The following MKKS variants were observed in gnomAD, a reference collection of about 807,000 sequenced individuals.
The protein encoded by MKKS is MKKS centrosomal shuttling protein.
Under a neutral mutation model 33.2 loss-of-function variants are expected in MKKS, and 29 were observed. The ratio of observed to expected loss-of-function variants is 0.87; its 90% CI spans 0.65 to 1.19. MKKS has a LOEUF of 1.19. Among genes scored for constraint, MKKS ranks in the 50% most tolerant of loss-of-function variants. The probability of loss-of-function intolerance (pLI) is 0.00; values close to 1 mark genes in which losing one functional copy is unlikely to be tolerated. For missense variants in MKKS, 661 were observed against 662.3 expected (o/e 1.00, Z 0.02); for synonymous variants, 260 against 244.0 (o/e 1.07, Z -0.61).
Position 10,403,736 on chromosome 20 carries a change from C to A in MKKS, c.*1511G>T, listed in dbSNP as rs1308190528. 6.6e-6 allele frequency: 1 copy of A among 152,186 alleles called. No individual in the cohort carries two copies. The highest frequency in any genetic ancestry group is 2.4e-5 in the African/African-American group (1 of 41,424). The allele number at this position is 152,186 out of a possible 1,614,324, so 9.4% of individuals were successfully genotyped here. On this transcript the variant is annotated 3_prime_UTR_variant, in exon 6 of 6. Coordinates refer to ENST00000347364, the MANE Select transcript of MKKS (RefSeq NM_170784.3). ...CCATGCTCAAGGGGAGGAAATTATG[C>A]AAGGTCTGAAACTAGGAGGTGGGGC... is the stretch of plus-strand genomic sequence containing the variant.
Position 10,405,401 on chromosome 20 carries a change from A to G in MKKS, c.1559T>C (p.Phe520Ser). 1.2e-6 allele frequency: 2 copies of G among 1,614,188 alleles called. No homozygotes were observed. Among genetic ancestry groups the G allele is most frequent in the Non-Finnish European group, 8.5e-7 (1 of 1,180,032 alleles). Reference protein sequence around the residue: ...WSFLRSTRRPFVPQSCLPHEA... With the variant: ...WSFLRSTRRPSVPQSCLPHEA... ...ATGTGGAAGGCAGCTTTGTGGCACAAATGGACGACGTGTGCTTCTTAAGAA... is the reference window on the plus strand; with the variant it reads ...ATGTGGAAGGCAGCTTTGTGGCACAGATGGACGACGTGTGCTTCTTAAGAA... The change falls in exon 6 of 6, where the codon TTT becomes TCT. Residue 520 changes from phenylalanine to serine, a missense_variant. Phe to Ser is a radical substitution (Grantham distance 155). Transcript: ENST00000347364.
chr20:10,413,156 T>C lies in MKKS; in HGVS notation c.359A>G (p.Asn120Ser). ...GATGCAAAGACTCAAAAGATGTTTATTTAATCTAATGACAGTGGTGGGTGT... is the reference window on the plus strand; with the variant it reads ...GATGCAAAGACTCAAAAGATGTTTACTTAATCTAATGACAGTGGTGGGTGT... ...GLTPTTVIRLNKHLLSLCISY... is the reference protein window; with the variant it reads ...GLTPTTVIRLSKHLLSLCISY... Residue 120 changes from asparagine (N) to serine (S), a missense_variant, in exon 3 of 6, where the codon AAT becomes AGT. Physicochemically the swap from Asn to Ser is conservative, Grantham distance 46. Transcript: ENST00000347364. The C allele has an allele frequency of 6.2e-7, 1 of 1,614,150 alleles. No individual in the cohort carries two copies. The highest frequency in any genetic ancestry group is 1.3e-5 in the African/African-American group (1 of 75,036).
intron 5 of MKKS, among the ~76,000 whole-genome samples, chr20:10,406,018 C>T (rs1487257191): frequency 1.3e-5 from 2 of 152,220 alleles, no homozygotes; most frequent in East Asian, 3.9e-4. Flanking sequence ...AGGCATAATA[C>T]ATGTATTACA....
Position 10,420,597 on chromosome 20 carries a change from T to C in MKKS, c.-487A>G, listed in dbSNP as rs1055777916. 8 of 152,208 alleles carry C rather than the reference T, an allele frequency of 5.3e-5. No individual in the cohort carries two copies. Among genetic ancestry groups the C allele is most frequent in the African/African-American group, 1.9e-4 (8 of 41,448 alleles). The allele number at this position is 152,208 out of a possible 1,614,324, so 9.4% of individuals were successfully genotyped here. On this transcript the variant is annotated 5_prime_UTR_variant, in exon 2 of 6. Coordinates refer to ENST00000347364, the MANE Select transcript of MKKS (RefSeq NM_170784.3). ...GAAGATTTGAAAGTCCCAGACTATC[T>C]TGCTCAGGAATGTCGTCGTTTTTAG...
At chr20:10,426,614 G>A (rs1387478683) in intron 1 of MKKS, among the ~76,000 whole-genome samples, 1 of 152,176 alleles carries the variant, frequency 6.6e-6, no homozygotes, top group Non-Finnish European at 1.5e-5. Flanking sequence ...GCCCAGGCTG[G>A]TCTCAACTCC....
chr20:10,405,278 T>C lies in MKKS; in HGVS notation c.1682A>G (p.Asp561Gly). ...TTTATCTTCAATAACATATGAAAGATCCAAAATCAAATTGGCTGTCTCTAC... is the reference window on the plus strand; with the variant it reads ...TTTATCTTCAATAACATATGAAAGACCCAAAATCAAATTGGCTGTCTCTAC... ...VAVETANLIL[D>G]LSYVIEDKN Residue 561 changes from aspartate to glycine, a missense_variant, in exon 6 of 6, where the codon GAT (aspartate) becomes GGT (glycine). Asp to Gly is a moderately conservative substitution (Grantham distance 94). Coordinates refer to ENST00000347364, the MANE Select transcript of MKKS (RefSeq NM_170784.3). The C allele has an allele frequency of 6.2e-7, 1 of 1,613,182 alleles. No homozygotes were observed. The highest frequency in any genetic ancestry group is 1.1e-5 in the South Asian group (1 of 90,948).
rs921315156 is a variant in MKKS at position 10,402,654 on chromosome 20, C to G, written c.*2593G>C. The G allele has an allele frequency of 3.9e-5, 6 of 152,048 alleles. No homozygotes were observed. The highest frequency in any genetic ancestry group is 7.4e-5 in the Non-Finnish European group (5 of 68,022). 9.4% of individuals were successfully genotyped at this position (152,048 alleles called of 1,614,324 possible). A position where few individuals can be genotyped will look rare whatever the true frequency, so the allele number is the denominator to read the frequency against. On this transcript the variant is annotated 3_prime_UTR_variant, in exon 6 of 6. Transcript: ENST00000347364. Reference sequence around the variant, plus strand: ...CAATTGGAGAGGTTCGCTGTGTCACCCCTTCTTGGAGGAACTTGAAAAAAT... The same window carrying G: ...CAATTGGAGAGGTTCGCTGTGTCACGCCTTCTTGGAGGAACTTGAAAAAAT...
At chr20:10,429,525 C>G (rs2065039413) in intron 1 of MKKS, among the ~76,000 whole-genome samples, 1 of 152,042 alleles carries the variant, frequency 6.6e-6, no homozygotes, top group Non-Finnish European at 1.5e-5. Flanking sequence ...AGTCTCAATT[C>G]ATCTCATATA....
rs758356262 is a variant in MKKS at position 10,413,486 on chromosome 20, G to T, written c.29C>A (p.Ser10Ter). ...TGTCAGTGGTTCACTCTTACACAAT[G>T]ATGGCTTCTTAGCTTCCAAACGAGA... Reference protein sequence around the residue: MSRLEAKKPSLCKSEPLTTE... With the variant: MSRLEAKKP Residue 10 changes from serine (S) to a stop codon, truncating the protein, a stop_gained, in exon 3 of 6, where the codon TCA (serine) becomes TAA (stop). Coordinates refer to ENST00000347364, the MANE Select transcript of MKKS (RefSeq NM_170784.3). LOFTEE classifies it high-confidence loss of function. 4 of 1,614,086 alleles carry T rather than the reference G, an allele frequency of 2.5e-6. No homozygotes were observed. The Admixed American group carries it at 5.0e-5, about 20-fold the overall frequency.
In MKKS at chr20:10,412,568, A is replaced by G. The variant is rs370219365; in HGVS notation, c.947T>C (p.Ile316Thr). The G allele has an allele frequency of 3.7e-6, 6 of 1,613,998 alleles. No homozygotes were observed. Among genetic ancestry groups the G allele is most frequent in the South Asian group, 1.1e-5 (1 of 91,092 alleles). ...CAGGGGTTCCATCAGAGTCACTCCA[A>G]TTCTGTCTATGGCAATAATACGATG... is the stretch of plus-strand genomic sequence containing the variant. ...NMHRIIAIDR[I>T]GVTLMEPLTK... The change falls in exon 3 of 6, where the codon ATT (isoleucine) becomes ACT (threonine). Residue 316 changes from isoleucine (I) to threonine (T), a missense_variant. Physicochemically the swap from Ile to Thr is moderately conservative, Grantham distance 89. Coordinates refer to ENST00000347364, the MANE Select transcript of MKKS (RefSeq NM_170784.3).
intron 1 of MKKS, among the ~76,000 whole-genome samples, chr20:10,430,297 CAACT>C (rs2065045910): frequency 6.6e-6 from 1 of 152,194 alleles, no homozygotes; most frequent in South Asian, 2.1e-4. Context: ...TACCACTTTA[CAACT>C]GGCTGTGTGG....
At chr20:10,415,221 CG>C (rs1351454653) in intron 2 of MKKS, among the ~76,000 whole-genome samples, 1 of 152,024 alleles carries the variant, frequency 6.6e-6, no homozygotes, top group Admixed American at 6.6e-5. Context: ...GTATATTATT[CG>C]TTAGTATTTC....
chr20:10,412,046 A>T (rs951649161), intron 3 of MKKS, among the ~76,000 whole-genome samples: 1 of 152,244 alleles, frequency 6.6e-6, no homozygotes, highest in South Asian at 2.1e-4. Context: ...GTTTTGATAT[A>T]GGTAAAACAT....
Position 10,405,622 on chromosome 20 carries a change from A to G in MKKS, c.1338T>C (p.Ile446=), listed in dbSNP as rs1248382132. ...DECTQTELQL[I]AEAFCSALES... ...CTAGGGCACTGCAAAATGCTTCAGCAATTAATTGAAGTTCTGTTTGAGTAC... is the reference window on the plus strand; with the variant it reads ...CTAGGGCACTGCAAAATGCTTCAGCGATTAATTGAAGTTCTGTTTGAGTAC... Residue 446 remains isoleucine, a synonymous_variant, in exon 6 of 6, where the codon ATT becomes ATC. Transcript: ENST00000347364. The G allele has an allele frequency of 1.2e-6, 2 of 1,614,166 alleles. No homozygotes were observed. Among genetic ancestry groups the G allele is most frequent in the South Asian group, 2.2e-5 (2 of 91,078 alleles).
Position 10,402,024 on chromosome 20 carries a change from T to A in MKKS, c.*3223A>T, listed in dbSNP as rs2064813755. ...TTCTTCCTTGCTGCTAAAATCCTAATGCCTTTTGATTAATAAGATGATAAT... is the reference window on the plus strand; with the variant it reads ...TTCTTCCTTGCTGCTAAAATCCTAAAGCCTTTTGATTAATAAGATGATAAT... On this transcript the variant is annotated 3_prime_UTR_variant, in exon 6 of 6. Coordinates refer to ENST00000347364, the MANE Select transcript of MKKS (RefSeq NM_170784.3). The A allele has an allele frequency of 1.3e-5, 2 of 152,358 alleles. No homozygotes were observed. Among genetic ancestry groups the A allele is most frequent in the Non-Finnish European group, 2.9e-5 (2 of 68,026 alleles). The allele number at this position is 152,358 out of a possible 1,614,324, so 9.4% of individuals were successfully genotyped here. A position where few individuals can be genotyped will look rare whatever the true frequency, so the allele number is the denominator to read the frequency against.
At chr20:10,429,995 C>G (rs2065043294) in intron 1 of MKKS, among the ~76,000 whole-genome samples, 1 of 152,080 alleles carries the variant, frequency 6.6e-6, no homozygotes, top group African/African-American at 2.4e-5. Context: ...TCCACTAATC[C>G]ATTCTCTACA....
At position 10,422,708 on chromosome 20, in the gene MKKS, A is replaced by G. The variant is rs1217369904; in HGVS notation, c.-648-1950T>C. Among the ~76,000 whole-genome samples the G allele has an allele frequency of 2.0e-5, 3 of 147,004 alleles. No homozygotes were observed. In the East Asian group the frequency reaches 6.1e-4, roughly 30 times the overall value. ...CCTCAACATGAGGTTATCAAGTTAT[A>G]TTATCTTTTTTTTTTTTTTGTGAGA... is the stretch of plus-strand genomic sequence containing the variant. On this transcript the variant is annotated intron_variant, in intron 1 of 5. Transcript: ENST00000347364.
At position 10,406,232 on chromosome 20, in the gene MKKS, C is replaced by G. The variant is rs548985094; in HGVS notation, c.1273-545G>C. On this transcript the variant is annotated intron_variant, in intron 5 of 5. Transcript: ENST00000347364. ...AATGAAAAGGTAATAAGACCTTAAA[C>G]AGTCTTCTGGTTCCACTATTTAAAA... Among the ~76,000 whole-genome samples the G allele has an allele frequency of 5.7e-4, 87 of 152,230 alleles. 1 individual carries two copies. The highest frequency in any genetic ancestry group is 9.8e-4 in the Admixed American group (15 of 15,292).
intron 1 of MKKS, among the ~76,000 whole-genome samples, chr20:10,426,743 C>T (rs559557333): frequency 6.6e-6 from 1 of 152,312 alleles, no homozygotes; most frequent in South Asian, 2.1e-4. Flanking sequence ...AAAAGGTTAA[C>T]AGCTGTCATT....
Sources: allele counts gnomAD v4.1 joint callset (sites outside exome capture counted in the v4.1 genomes callset), GRCh38; gene constraint gnomAD v4.1.1; transcripts MANE v1.5; gene names NCBI Gene and HGNC (gene_info 2026-07-23, HGNC 2026-07-21).